ANGPT1: variants seen among roughly 807,000 people sequenced by gnomAD.
ANGPT1 encodes angiopoietin-1.
ANGPT1 carries 17 observed loss-of-function variants against 62.2 expected under a neutral mutation model. The ratio of observed to expected loss-of-function variants is 0.27; its 90% CI spans 0.19 to 0.41. The LOEUF is 0.41. Ranked by LOEUF, ANGPT1 falls within the 10% of genes least tolerant of loss-of-function variation. The probability of loss-of-function intolerance (pLI) is 1.00; values close to 1 mark genes in which losing one functional copy is unlikely to be tolerated. For synonymous variants in ANGPT1, 199 were observed against 198.9 expected (o/e 1.00, Z 0.00); for missense variants, 478 against 594.9 (o/e 0.80, Z 2.04).
At chr8:107,347,275 AC>A (rs1437806004) in intron 1 of ANGPT1, among the ~76,000 whole-genome samples, 178 bp from the exon 2 acceptor site, 1 of 152,212 alleles carries the variant, frequency 6.6e-6, no homozygotes, top group East Asian at 1.9e-4. Context: ...CCAGTTGTCA[AC>A]AAATTCCTAA....
intron 1 of ANGPT1, among the ~76,000 whole-genome samples, chr8:107,401,281 A>G (rs1000227700): frequency 6.6e-6 from 1 of 152,092 alleles, no homozygotes; most frequent in African/African-American, 2.4e-5. Flanking sequence ...AGAAAAAAAA[A>G]AACTGTGGAC....
intron 3 of ANGPT1, among the ~76,000 whole-genome samples, chr8:107,328,301 A>T (rs1415660611): frequency 1.3e-5 from 2 of 152,068 alleles, no homozygotes; most frequent in Admixed American, 1.3e-4. Context: ...TTACGTGTCT[A>T]ATTGGAATGC....
chr8:107,255,566 T>C (rs529467891), intron 8 of ANGPT1, among the ~76,000 whole-genome samples: 32 of 152,336 alleles, frequency 2.1e-4, no homozygotes, highest in Non-Finnish European at 4.0e-4. Context: ...ATTTGATATT[T>C]ATTGAATCGT....
At position 107,293,960 on chromosome 8, in the gene ANGPT1, T is replaced by C; in HGVS notation, c.1014A>G (p.Gln338=). 2 of 1,613,404 alleles carry C rather than the reference T, an allele frequency of 1.2e-6. No homozygotes were observed. Among genetic ancestry groups the C allele is most frequent in the Non-Finnish European group, 8.5e-7 (1 of 1,179,670 alleles). The part of the protein sequence containing the change: ...QHREDGSLDF[Q]RGWKEYKMGF... ...CCATTTTATATTCCTTCCAGCCTCT[T>C]TGGAAATCTAGACTTCCATCTTCAC... is the stretch of plus-strand genomic sequence containing the variant. Residue 338 remains glutamine (Q), a synonymous_variant, in exon 6 of 9, where the codon CAA becomes CAG. Coordinates refer to ENST00000517746, the MANE Select transcript of ANGPT1 (RefSeq NM_001146.5).
intron 8 of ANGPT1, among the ~76,000 whole-genome samples, chr8:107,262,875 A>G (rs969057033): frequency 1.3e-5 from 2 of 152,208 alleles, no homozygotes; most frequent in African/African-American, 4.8e-5. Flanking sequence ...GTGTTTCCCA[A>G]ACTTCAGACA....
At chr8:107,303,500 A>T in intron 4 of ANGPT1, 133 bp from the exon 5 acceptor site, 1 of 722,558 alleles carries the variant, frequency 1.4e-6, no homozygotes, top group Non-Finnish European at 2.2e-6. Flanking sequence ...TAAAAAGTCA[A>T]TCATAAAGAC....
rs139196436 is a variant in ANGPT1 at position 107,378,381 on chromosome 8, T to C, written c.298-31284A>G. 6.9e-3 allele frequency among the ~76,000 whole-genome samples: 1,055 copies of C among 152,334 alleles called. 17 individuals carry two copies. Among genetic ancestry groups the C allele is most frequent in the African/African-American group, 0.024 (987 of 41,568 alleles). On this transcript the variant is annotated intron_variant, in intron 1 of 8. Coordinates refer to ENST00000517746, the MANE Select transcript of ANGPT1 (RefSeq NM_001146.5). ...CAAATCTCCAGTGAGCATCTGTGTA[T>C]AGTATAAAGGCAAAATGCAGATGCC...
chr8:107,424,709 T>C (rs1429633038), intron 1 of ANGPT1, among the ~76,000 whole-genome samples: 3 of 152,238 alleles, frequency 2.0e-5, no homozygotes, highest in Non-Finnish European at 4.4e-5. Flanking sequence ...TTCTTGGTTA[T>C]GCATGAATGT....
intron 1 of ANGPT1, among the ~76,000 whole-genome samples, chr8:107,388,886 C>A (rs912284129): frequency 2.0e-5 from 3 of 152,110 alleles, no homozygotes; most frequent in African/African-American, 7.2e-5. Flanking sequence ...AAAGTATTAC[C>A]AGAAGGGCAG....
intron 1 of ANGPT1, among the ~76,000 whole-genome samples, chr8:107,411,598 T>C (rs1316195565): frequency 6.6e-6 from 1 of 152,188 alleles, no homozygotes; most frequent in African/African-American, 2.4e-5. Flanking sequence ...AGCTTTTAAC[T>C]TGTTGAAAAC....
At chr8:107,258,549 G>A (rs1219118057) in intron 8 of ANGPT1, among the ~76,000 whole-genome samples, 2 of 152,116 alleles carry the variant, frequency 1.3e-5, no homozygotes, top group African/African-American at 2.4e-5. Flanking sequence ...GAGGACTATC[G>A]GTTCTGATTC....
chr8:107,370,741 G>A (rs1220518347), intron 1 of ANGPT1, among the ~76,000 whole-genome samples: 23 of 143,860 alleles, frequency 1.6e-4, no homozygotes, highest in African/African-American at 5.9e-4. Flanking sequence ...AGAAAGGAAG[G>A]AAGAAAAGAA....
At chr8:107,253,638 C>A (rs1813294886) in intron 8 of ANGPT1, among the ~76,000 whole-genome samples, 1 of 152,154 alleles carries the variant, frequency 6.6e-6, no homozygotes, top group Non-Finnish European at 1.5e-5. Flanking sequence ...TCATAGAATT[C>A]TCTTCCAAGT....
chr8:107,336,027 T>C (rs1815549662), intron 3 of ANGPT1, 123 bp downstream of exon 3: 1 of 879,462 alleles, frequency 1.1e-6, no homozygotes, highest in African/African-American at 1.7e-5. Context: ...ATATTAATAT[T>C]AATTTGGCTC....
At chr8:107,489,418 G>A (rs184066976) in intron 1 of ANGPT1, among the ~76,000 whole-genome samples, 18 of 152,100 alleles carry the variant, frequency 1.2e-4, no homozygotes, top group African/African-American at 4.3e-4. Context: ...AGTAACAACA[G>A]TTATCTTACT....
intron 1 of ANGPT1, among the ~76,000 whole-genome samples, chr8:107,478,484 G>T (rs1038452476): frequency 6.6e-6 from 1 of 152,146 alleles, no homozygotes; most frequent in Non-Finnish European, 1.5e-5. Context: ...GGGAGGCAGA[G>T]GTTGCAGTAA....
intron 5 of ANGPT1, among the ~76,000 whole-genome samples, chr8:107,296,350 C>G (rs989139145): frequency 6.6e-6 from 1 of 151,674 alleles, no homozygotes; most frequent in African/African-American, 2.4e-5. Flanking sequence ...ATTTGATAAA[C>G]AAATAGAGAT....
chr8:107,315,082 C>G (rs1417811473), intron 4 of ANGPT1, among the ~76,000 whole-genome samples: 1 of 152,122 alleles, frequency 6.6e-6, no homozygotes, highest in Non-Finnish European at 1.5e-5. Flanking sequence ...CTCATTTCCC[C>G]CTTTAAGAAG....
At chr8:107,332,723 G>GT (rs1586231802) in intron 3 of ANGPT1, among the ~76,000 whole-genome samples, 1 of 152,114 alleles carries the variant, frequency 6.6e-6, no homozygotes, top group South Asian at 2.1e-4. Context: ...CTCAAACCTG[G>GT]TAAGTCCCAC....
Sources: gnomAD v4.1 joint callset for allele counts (sites outside exome capture counted in the v4.1 genomes callset) on GRCh38, gnomAD v4.1.1 for gene constraint, MANE v1.5 for transcripts, NCBI Gene and HGNC (gene_info 2026-07-23, HGNC 2026-07-21) for gene names.